ELP2: variants seen among roughly 807,000 people sequenced by gnomAD.
ELP2 encodes the protein elongator acetyltransferase complex subunit 2.
Under a neutral mutation model 119.2 loss-of-function variants are expected in ELP2, and 90 were observed. The ratio of observed to expected loss-of-function variants is 0.75; its 90% CI spans 0.64 to 0.90. ELP2 has a LOEUF of 0.90. Among genes scored for constraint, ELP2 ranks in the 40% least tolerant of loss-of-function variants. The pLI is 0.00. For synonymous variants in ELP2, 339 were observed against 331.0 expected (o/e 1.02, Z -0.26); for missense variants, 921 against 967.8 (o/e 0.95, Z 0.64).
At position 36,142,363 on chromosome 18, in the gene ELP2, T is replaced by C. The variant is rs762428597; in HGVS notation, c.655+16T>C. 6.2e-7 allele frequency: 1 copy of C among 1,608,054 alleles called. No homozygotes were observed. Among genetic ancestry groups the C allele is most frequent in the South Asian group, 1.1e-5 (1 of 90,960 alleles). ...GCAGCCTTTGGTCAGTATGAAATTT[T>C]GCTAATGCACATACAATGGGAACAA... On this transcript the variant is annotated intron_variant, in intron 7 of 21. Coordinates refer to ENST00000358232, the MANE Select transcript of ELP2 (RefSeq NM_018255.4).
Position 36,129,922 on chromosome 18 carries a change from C to T in ELP2, c.-12C>T. 2 of 1,614,200 alleles carry T rather than the reference C, an allele frequency of 1.2e-6. No homozygotes were observed. The highest frequency in any genetic ancestry group is 1.1e-5 in the South Asian group (1 of 91,092). On this transcript the variant is annotated 5_prime_UTR_variant, in exon 1 of 22. Coordinates refer to ENST00000358232, the MANE Select transcript of ELP2 (RefSeq NM_018255.4). ...GCGCGTCTCTTGTTTGTGCGGCTGACCAGTTGGCGACATGGTGGCACCCGT... is the reference window on the plus strand; with the variant it reads ...GCGCGTCTCTTGTTTGTGCGGCTGATCAGTTGGCGACATGGTGGCACCCGT...
chr18:36,164,407 T>C (rs558261209), intron 17 of ELP2, 68 bp from the exon 18 acceptor site: 95 of 1,453,146 alleles, frequency 6.5e-5, no homozygotes, highest in South Asian at 5.6e-4. Context: ...CAATGTGTTG[T>C]TTTTAAAATG....
Position 36,180,050 on chromosome 18 carries a change from C to T in ELP2, c.*5409C>T, listed in dbSNP as rs1184212856. 1 of 152,244 alleles carries T rather than the reference C, an allele frequency of 6.6e-6. No individual in the cohort carries two copies. Among genetic ancestry groups the T allele is most frequent in the African/African-American group, 2.4e-5 (1 of 41,440 alleles). The allele number at this position is 152,244 out of a possible 1,614,324, so 9.4% of individuals were successfully genotyped here. On this transcript the variant is annotated 3_prime_UTR_variant, in exon 22 of 22. Transcript: ENST00000358232. ...TTTATTTCTCTCATATGAAAGGAGTCAAGGCAGACAGACCAGGATGGGGAG... is the reference window on the plus strand; with the variant it reads ...TTTATTTCTCTCATATGAAAGGAGTTAAGGCAGACAGACCAGGATGGGGAG...
At chr18:36,132,747 C>G (rs1384211975) in intron 1 of ELP2, among the ~76,000 whole-genome samples, 8 of 152,066 alleles carry the variant, frequency 5.3e-5, no homozygotes, top group Admixed American at 5.2e-4. Flanking sequence ...AACCCACCGT[C>G]TCATTGGCCA....
chr18:36,159,690 A>T, intron 14 of ELP2, 45 bp from the exon 15 acceptor site: 1 of 1,384,536 alleles, frequency 7.2e-7, no homozygotes, highest in Non-Finnish European at 1.0e-6. Flanking sequence ...AGTGAAGGAG[A>T]TATAAAAATA....
chr18:36,152,435 A>C (rs1413909842), intron 11 of ELP2, among the ~76,000 whole-genome samples: 1 of 152,212 alleles, frequency 6.6e-6, no homozygotes, highest in Non-Finnish European at 1.5e-5. Context: ...GTACCATCAC[A>C]TGGGGTGCCC....
rs758567078 is a variant in ELP2, at chr18:36,155,002, A to G, written c.1275+3A>G. The G allele has an allele frequency of 6.2e-7, 1 of 1,610,016 alleles. No homozygotes were observed. The highest frequency in any genetic ancestry group is 1.3e-5 in the African/African-American group (1 of 74,966). ...GGAAGAGAAAAGACCAATCACAGGT[A>G]AAATGTCTTATTTATTTATTTATTT... is the stretch of plus-strand genomic sequence containing the variant. On this transcript the variant is annotated splice_donor_region_variant and intron_variant, in intron 12 of 21. Transcript: ENST00000358232.
chr18:36,179,004 C>G lies in ELP2; in HGVS notation c.*4363C>G, dbSNP rs1482014096. On this transcript the variant is annotated 3_prime_UTR_variant, in exon 22 of 22. Coordinates refer to ENST00000358232, the MANE Select transcript of ELP2 (RefSeq NM_018255.4). ...TACATTGTGAGGAGTTCTTCCCCTT[C>G]TAGCATGTAGTGGATGGTCCAGTAT... 6.6e-6 allele frequency: 1 copy of G among 152,368 alleles called. No homozygotes were observed. Among genetic ancestry groups the G allele is most frequent in the Non-Finnish European group, 1.5e-5 (1 of 68,034 alleles). The allele number at this position is 152,368 out of a possible 1,614,324, so 9.4% of individuals were successfully genotyped here.
chr18:36,150,474 GGT>G (rs1321203465), intron 11 of ELP2, among the ~76,000 whole-genome samples: 132 of 152,326 alleles, frequency 8.7e-4, no homozygotes, highest in African/African-American at 3.1e-3. Flanking sequence ...GGGTGTTTCA[GGT>G]GTCATAGGGA....
At chr18:36,161,144 T>A (rs2090726872) in intron 17 of ELP2, 140 bp downstream of exon 17, 1 of 699,426 alleles carries the variant, frequency 1.4e-6, no homozygotes, top group Admixed American at 2.2e-5. Flanking sequence ...TTTCTCAATT[T>A]CTCTTACCCT....
At chr18:36,145,320 G>A in intron 9 of ELP2, 1 of 378,922 alleles carries the variant, frequency 2.6e-6, no homozygotes, top group South Asian at 2.6e-5. Context: ...TTATGGGATT[G>A]AAGAAAAACT....
At position 36,159,798 on chromosome 18, in the gene ELP2, A is replaced by G. The variant is rs2090676604; in HGVS notation, c.1598A>G (p.Gln533Arg). ...ELLTSTGFEY[Q>R]QVAFQPSILT... is the part of the protein sequence containing the mutation. ...TTAACTAGTACTGGTTTTGAGTATC[A>G]GCAGGTGGCCTTTCAGCCCTCCATA... Residue 533 changes from glutamine (Q) to arginine (R), a missense_variant, in exon 15 of 22, where the codon CAG becomes CGG. Coordinates refer to ENST00000358232, the MANE Select transcript of ELP2 (RefSeq NM_018255.4). 6.2e-7 allele frequency: 1 copy of G among 1,613,974 alleles called. No individual in the cohort carries two copies. The highest frequency in any genetic ancestry group is 8.5e-7 in the Non-Finnish European group (1 of 1,179,952).
At chr18:36,137,509 C>T (rs2144593332) in intron 3 of ELP2, among the ~76,000 whole-genome samples, 1 of 152,200 alleles carries the variant, frequency 6.6e-6, no homozygotes, top group East Asian at 1.9e-4. Context: ...ACTATTTCAG[C>T]AGACAGTTGA....
rs112931732 is a variant in ELP2 at position 36,138,731 on chromosome 18, A to G, written c.446-64A>G. On this transcript the variant is annotated intron_variant, in intron 4 of 21. Transcript: ENST00000358232. ...CCTGGGGCTGTGATGATGCTATCCA[A>G]CCTGTCTAGTTGGATAAGCTCTGAG... 1.5e-4 allele frequency: 199 copies of G among 1,339,576 alleles called. No individual in the cohort carries two copies. The African/African-American group carries it at 2.5e-3, about 17-fold the overall frequency. The allele number at this position is 1,339,576 out of a possible 1,614,324, so 83.0% of individuals were successfully genotyped here. A position where few individuals can be genotyped will look rare whatever the true frequency, so the allele number is the denominator to read the frequency against.
In ELP2 at chr18:36,178,156, A is replaced by T. The variant is rs1391282540; in HGVS notation, c.*3515A>T. ...TCCTCGGCACCCACTTCTAGGATTA[A>T]CAGGCAGGGAGACGGGAGAGCCCAG... On this transcript the variant is annotated 3_prime_UTR_variant, in exon 22 of 22. Coordinates refer to ENST00000358232, the MANE Select transcript of ELP2 (RefSeq NM_018255.4). 6.6e-6 allele frequency: 1 copy of T among 152,254 alleles called. No homozygotes were observed. Among genetic ancestry groups the T allele is most frequent in the Non-Finnish European group, 1.5e-5 (1 of 68,094 alleles). 9.4% of individuals were successfully genotyped at this position (152,254 alleles called of 1,614,324 possible).
At position 36,138,807 on chromosome 18, in the gene ELP2, A is replaced by G; in HGVS notation, c.458A>G (p.Gln153Arg). Reference protein sequence around the residue: ...SKKGPEVMCLQTLNFGNGFAL... With the variant: ...SKKGPEVMCLRTLNFGNGFAL... Reference sequence around the variant, plus strand: ...TATTATTTCTTAGTAATGTGCCTTCAGACTTTAAACTTTGGAAATGGATTT... The same window carrying G: ...TATTATTTCTTAGTAATGTGCCTTCGGACTTTAAACTTTGGAAATGGATTT... The change falls in exon 5 of 22, where the codon CAG becomes CGG. Residue 153 changes from glutamine to arginine, a missense_variant. Gln to Arg is a conservative substitution (Grantham distance 43). Transcript: ENST00000358232. 1 of 1,613,892 alleles carries G rather than the reference A, an allele frequency of 6.2e-7. No homozygotes were observed. Among genetic ancestry groups the G allele is most frequent in the Non-Finnish European group, 8.5e-7 (1 of 1,179,864 alleles).
At chr18:36,161,937 A>C (rs1195660370) in intron 17 of ELP2, among the ~76,000 whole-genome samples, 1 of 152,178 alleles carries the variant, frequency 6.6e-6, no homozygotes, top group African/African-American at 2.4e-5. Context: ...TACTGAGCAG[A>C]TAATTTGTTT....
chr18:36,136,445 T>A, intron 3 of ELP2, 68 bp downstream of exon 3: 1 of 1,258,362 alleles, frequency 7.9e-7, no homozygotes, highest in Non-Finnish European at 1.2e-6. Flanking sequence ...AGGTAGAGTT[T>A]CACTCTGTCA....
chr18:36,159,873 C>T (rs2090680632), intron 15 of ELP2, 43 bp downstream of exon 15: 4 of 1,602,734 alleles, frequency 2.5e-6, no homozygotes, highest in Admixed American at 1.7e-5. Flanking sequence ...CTAGAACACA[C>T]AGTATGTTAT....
Sources: gnomAD v4.1 joint callset for allele counts (sites outside exome capture counted in the v4.1 genomes callset) on GRCh38, gnomAD v4.1.1 for gene constraint, MANE v1.5 for transcripts, NCBI Gene and HGNC (gene_info 2026-07-23, HGNC 2026-07-21) for gene names.